The following FOXN3 variants were observed in gnomAD, a reference collection of about 807,000 sequenced individuals.
FOXN3 encodes forkhead box protein N3.
A neutral mutation model predicts 38.4 loss-of-function variants in FOXN3; 7 were observed. The ratio of observed to expected loss-of-function variants is 0.18; its 90% confidence interval spans 0.10 to 0.34. The LOEUF (loss-of-function observed/expected upper bound fraction) is 0.34, where lower values mean the gene tolerates loss of function less well. FOXN3 is among the 10% of genes least tolerant of loss of function. FOXN3 has a pLI of 1.00. For synonymous variants in FOXN3, 230 were observed against 242.2 expected (o/e 0.95, Z 0.47); for missense variants, 456 against 613.4 (o/e 0.74, Z 2.71).
At chr14:89,520,346 T>G (rs1406639980) in intron 1 of FOXN3, among the ~76,000 whole-genome samples, 1 of 152,182 alleles carries the variant, frequency 6.6e-6, no homozygotes, top group African/African-American at 2.4e-5. Flanking sequence ...GCAACGGGTT[T>G]TTTAAAAAAG....
At chr14:89,545,072 C>G (rs1457934489) in intron 1 of FOXN3, among the ~76,000 whole-genome samples, 2 of 152,226 alleles carry the variant, frequency 1.3e-5, no homozygotes, top group Non-Finnish European at 2.9e-5. Flanking sequence ...TGGCTGGACT[C>G]TAAAAGTGGT....
chr14:89,547,619 A>G (rs1347428990), intron 1 of FOXN3, among the ~76,000 whole-genome samples: 2 of 152,136 alleles, frequency 1.3e-5, no homozygotes, highest in African/African-American at 4.8e-5. Context: ...TATTGATAAT[A>G]GCATCCCATT....
chr14:89,564,942 A>G lies in FOXN3; in HGVS notation c.-15+54086T>C, dbSNP rs114066840. ...ACCCCCTGTCTCTACTAAAAATACAATATTAGCTGGGCGTGATGGTGCACT... is the reference window on the plus strand; with the variant it reads ...ACCCCCTGTCTCTACTAAAAATACAGTATTAGCTGGGCGTGATGGTGCACT... On this transcript the variant is annotated intron_variant, in intron 1 of 6. Transcript: ENST00000345097. Among the ~76,000 whole-genome samples the G allele has an allele frequency of 7.1e-3, 1,081 of 151,830 alleles. 12 individuals carry two copies. Among genetic ancestry groups the G allele is most frequent in the African/African-American group, 0.025 (1,023 of 41,390 alleles).
Position 89,446,087 on chromosome 14 carries a change from C to CAAAAAAAAAAAAAAAAAAAAA in FOXN3, c.-14-33618_-14-33598dup, listed in dbSNP as rs576883864. Among the ~76,000 whole-genome samples, 27 of 40,104 alleles carry CAAAAAAAAAAAAAAAAAAAAA rather than the reference C, an allele frequency of 6.7e-4. 3 individuals carry two copies. The highest frequency in any genetic ancestry group is 9.4e-4 in the African/African-American group (11 of 11,752). 26.3% of individuals were successfully genotyped at this position (40,104 alleles called of 152,430 possible). On this transcript the variant is annotated intron_variant, in intron 1 of 6. Coordinates refer to the FOXN3 transcript ENST00000345097. ...TGGGTAACAGAGCGAGACCCTGCCT[C>CAAAAAAAAAAAAAAAAAAAAA]AAAAAAAAAAAAAAAAAAAAAAAAT...
chr14:89,464,136 G>A (rs1299403266), intron 1 of FOXN3, among the ~76,000 whole-genome samples: 1 of 152,152 alleles, frequency 6.6e-6, no homozygotes, highest in Non-Finnish European at 1.5e-5. Context: ...CAGACAGAGT[G>A]GATCCCAGTC....
At chr14:89,479,178 C>T (rs970222860) in intron 1 of FOXN3, among the ~76,000 whole-genome samples, 3 of 152,062 alleles carry the variant, frequency 2.0e-5, no homozygotes, top group African/African-American at 4.8e-5. Context: ...TAAAACCCAC[C>T]CTGCCACAAG....
chr14:89,226,193 G>A (rs994186176), intron 4 of FOXN3, among the ~76,000 whole-genome samples: 12 of 151,620 alleles, frequency 7.9e-5, no homozygotes, highest in Non-Finnish European at 1.8e-4. Flanking sequence ...AAAAAAAGGA[G>A]GGACAGGGAG....
rs938061074 is a variant in FOXN3, at chr14:89,477,414, A to T, written c.-14-64924T>A. ...GGGTGTTATAAAGCCATCTTAAAAA[A>T]AAGAAATCAACACTTTCTCCCCAGG... On this transcript the variant is annotated intron_variant, in intron 1 of 6. Transcript: ENST00000345097. 5.9e-5 allele frequency among the ~76,000 whole-genome samples: 9 copies of T among 152,368 alleles called. No homozygotes were observed. In the South Asian group the frequency reaches 1.7e-3, roughly 28 times the overall value.
At chr14:89,179,067 T>C (rs1162214377) in intron 5 of FOXN3, among the ~76,000 whole-genome samples, 2 of 152,200 alleles carry the variant, frequency 1.3e-5, no homozygotes, top group Non-Finnish European at 2.9e-5. Flanking sequence ...CATTGGAATT[T>C]TGGCTTCATG....
chr14:89,615,855 A>C (rs1002742393), intron 1 of FOXN3, among the ~76,000 whole-genome samples: 3 of 152,214 alleles, frequency 2.0e-5, no homozygotes, highest in Admixed American at 2.0e-4. Context: ...ATTAAACATT[A>C]AAATAGAGTT....
intron 1 of FOXN3, among the ~76,000 whole-genome samples, chr14:89,602,787 C>A (rs1448712392): frequency 1.3e-5 from 2 of 152,102 alleles, no homozygotes; most frequent in Non-Finnish European, 2.9e-5. Context: ...TGAGCCACTG[C>A]GCCTGGCAGG....
At chr14:89,260,810 A>G (rs1377438785) in intron 4 of FOXN3, among the ~76,000 whole-genome samples, 3 of 152,212 alleles carry the variant, frequency 2.0e-5, no homozygotes, top group Non-Finnish European at 2.9e-5. Context: ...AACCTTTAAC[A>G]TTACCCTAAT....
intron 1 of FOXN3, among the ~76,000 whole-genome samples, chr14:89,615,336 TGTGA>T (rs755542237): frequency 1.1e-4 from 17 of 152,168 alleles, no homozygotes; most frequent in Non-Finnish European, 1.8e-4. Context: ...TCAGTGAGTG[TGTGA>T]GTAACTAGCT....
intron 1 of FOXN3, among the ~76,000 whole-genome samples, chr14:89,556,513 A>ACTAT (rs1358845424): frequency 6.6e-6 from 1 of 151,944 alleles, no homozygotes; most frequent in Non-Finnish European, 1.5e-5. Context: ...ATTAGGAGGG[A>ACTAT]CTATCTGCAT....
At chr14:89,483,397 A>C (rs958300259) in intron 1 of FOXN3, among the ~76,000 whole-genome samples, 12 of 152,050 alleles carry the variant, frequency 7.9e-5, no homozygotes, top group African/African-American at 2.9e-4. Context: ...TGTTGTACTA[A>C]GCCCCTGAGA....
chr14:89,373,270 T>C (rs1890375271), intron 2 of FOXN3, among the ~76,000 whole-genome samples: 1 of 152,224 alleles, frequency 6.6e-6, no homozygotes, highest in African/African-American at 2.4e-5. Context: ...AACAAGTCTG[T>C]AAGACTTCTT....
intron 1 of FOXN3, among the ~76,000 whole-genome samples, chr14:89,505,420 G>A (rs1024394600): frequency 2.6e-5 from 4 of 152,148 alleles, no homozygotes; most frequent in Admixed American, 6.5e-5. Context: ...GATTGCAGGC[G>A]CGCACCGCCA....
chr14:89,443,801 G>A (rs1892438273), intron 1 of FOXN3, among the ~76,000 whole-genome samples: 2 of 151,936 alleles, frequency 1.3e-5, no homozygotes, highest in Admixed American at 1.3e-4. Flanking sequence ...CCTGAGGTCG[G>A]GAGTTCAAGA....
At chr14:89,589,078 C>T (rs1266006165) in intron 1 of FOXN3, among the ~76,000 whole-genome samples, 1 of 152,084 alleles carries the variant, frequency 6.6e-6, no homozygotes, top group African/African-American at 2.4e-5. Context: ...TAACTATAAA[C>T]CAAGTCAAGG....
Sources: allele counts gnomAD v4.1 joint callset (sites outside exome capture counted in the v4.1 genomes callset), GRCh38; gene constraint gnomAD v4.1.1; transcripts MANE v1.5; gene names NCBI Gene and HGNC (gene_info 2026-07-23, HGNC 2026-07-21).